RGS6: variants seen among roughly 807,000 people sequenced by gnomAD.
The protein encoded by RGS6 is regulator of G protein signaling 6.
RGS6 carries 30 observed loss-of-function variants against 78.5 expected under a neutral mutation model. The observed-to-expected ratio is 0.38, with a 90% CI of 0.29 to 0.52. The LOEUF is 0.52. Among genes scored for constraint, RGS6 ranks in the 20% least tolerant of loss-of-function variants. The probability of loss-of-function intolerance (pLI) is 0.85; values close to 1 mark genes in which losing one functional copy is unlikely to be tolerated. For synonymous variants in RGS6, 206 were observed against 206.0 expected, an observed-to-expected ratio of 1.00 and a Z score of 0.00; for missense variants, 495 against 609.7, an observed-to-expected ratio of 0.81 and a Z score of 1.98.
At chr14:72,554,917 C>T (rs948783339) in intron 17 of RGS6, among the ~76,000 whole-genome samples, 6 of 152,194 alleles carry the variant, frequency 3.9e-5, no homozygotes. Context: ...ACCATCCCTA[C>T]CCAGCTCCGG....
chr14:72,190,752 C>G (rs759402862), intron 2 of RGS6, among the ~76,000 whole-genome samples: 1 of 152,172 alleles, frequency 6.6e-6, no homozygotes, highest in African/African-American at 2.4e-5. Context: ...TGGTGTGGTC[C>G]TAGCCTTACA....
intron 2 of RGS6, among the ~76,000 whole-genome samples, chr14:72,226,169 A>G (rs1037697122): frequency 3.3e-5 from 5 of 152,230 alleles, no homozygotes; most frequent in Non-Finnish European, 5.9e-5. Context: ...AAAGTAATCA[A>G]CCTCAGTCTC....
chr14:72,540,988 C>A, intron 17 of RGS6: 1 of 1,274,622 alleles, frequency 7.8e-7, no homozygotes, highest in Non-Finnish European at 1.0e-6. Context: ...GGCCAATCTC[C>A]TCTTTCCATG....
At chr14:72,443,989 C>T (rs1297085260) in intron 3 of RGS6, among the ~76,000 whole-genome samples, 1 of 152,192 alleles carries the variant, frequency 6.6e-6, no homozygotes, top group African/African-American at 2.4e-5. Context: ...ATTTAATAAG[C>T]TGATTGTTGA....
chr14:72,347,005 G>T (rs2078180148), intron 2 of RGS6, among the ~76,000 whole-genome samples: 1 of 152,212 alleles, frequency 6.6e-6, no homozygotes, highest in African/African-American at 2.4e-5. Context: ...CCTTGAAGAA[G>T]GACATTCTCG....
At chr14:72,326,645 A>G (rs557744531) in intron 2 of RGS6, among the ~76,000 whole-genome samples, 5 of 152,276 alleles carry the variant, frequency 3.3e-5, no homozygotes, top group Non-Finnish European at 7.4e-5. Flanking sequence ...CTTCCTGTAC[A>G]GCCTGAAGAA....
chr14:72,368,229 A>G (rs557029679), intron 3 of RGS6, among the ~76,000 whole-genome samples: 8 of 152,230 alleles, frequency 5.3e-5, no homozygotes, highest in Admixed American at 4.6e-4. Flanking sequence ...GGGGGGTGCA[A>G]ACTCAGCCTT....
chr14:72,329,516 C>T (rs1208753355), intron 2 of RGS6, among the ~76,000 whole-genome samples: 10 of 152,258 alleles, frequency 6.6e-5, no homozygotes, highest in Non-Finnish European at 1.5e-4. Context: ...TGGGCACTGT[C>T]CTGAGTAGGC....
intron 2 of RGS6, among the ~76,000 whole-genome samples, chr14:72,121,494 G>T (rs1361974244): frequency 6.6e-6 from 1 of 152,128 alleles, no homozygotes; most frequent in South Asian, 2.1e-4. Flanking sequence ...CTGCACAGAC[G>T]TGCAGTTTAA....
chr14:72,539,820 C>T (rs2097297855), intron 16 of RGS6, among the ~76,000 whole-genome samples: 1 of 152,230 alleles, frequency 6.6e-6, no homozygotes. Flanking sequence ...CTGCTCCCTG[C>T]TCCAAGGAGG....
At chr14:71,966,647 A>G (rs1370299836) in intron 2 of RGS6, among the ~76,000 whole-genome samples, 2 of 152,210 alleles carry the variant, frequency 1.3e-5, no homozygotes, top group Non-Finnish European at 2.9e-5. Context: ...TAAAAAGAAA[A>G]AAAAATGTGG....
chr14:72,418,532 G>A (rs192579264), intron 3 of RGS6, among the ~76,000 whole-genome samples: 4 of 152,286 alleles, frequency 2.6e-5, no homozygotes, highest in Admixed American at 1.3e-4. Context: ...ATTAGAGTAG[G>A]ATCAGAAAGA....
chr14:72,499,677 G>T (rs1221022709), intron 13 of RGS6, among the ~76,000 whole-genome samples: 2 of 148,524 alleles, frequency 1.3e-5, no homozygotes, highest in African/African-American at 2.5e-5. Context: ...TTTGTTTGTT[G>T]TTTTTTTTTT....
chr14:72,139,495 T>G lies in RGS6; in HGVS notation c.84+174620T>G, dbSNP rs903517138. 1.3e-5 allele frequency among the ~76,000 whole-genome samples: 2 copies of G among 152,220 alleles called. 1 individual carries two copies. The highest frequency in any genetic ancestry group is 2.9e-5 in the Non-Finnish European group (2 of 68,034). ...ATATGAATCGCTATTATTTTAACTT[T>G]CATAGTAAGAACTTGCTCCATGTGG... On this transcript the variant is annotated intron_variant, in intron 2 of 17. Coordinates refer to ENST00000553525, the MANE Select transcript of RGS6 (RefSeq NM_001204424.2).
At chr14:72,151,074 C>T (rs953883856) in intron 2 of RGS6, among the ~76,000 whole-genome samples, 1 of 152,174 alleles carries the variant, frequency 6.6e-6, no homozygotes, top group Non-Finnish European at 1.5e-5. Flanking sequence ...ACCAAAGTGC[C>T]TTCATACAAC....
chr14:71,962,166 C>A (rs17104979), intron 1 of RGS6, among the ~76,000 whole-genome samples: 11,362 of 152,204 alleles, frequency 0.075, 523 homozygotes, highest in East Asian at 0.21. Flanking sequence ...CTACTGAATA[C>A]GAGGCTTACT....
intron 6 of RGS6, 85 bp downstream of exon 6, chr14:72,459,768 C>G: frequency 7.3e-7 from 1 of 1,364,110 alleles, no homozygotes; most frequent in South Asian, 1.2e-5. Context: ...TTGGTGTGGG[C>G]CATGGTGGTA....
chr14:72,601,989 A>T, the RGS6 span, among the ~76,000 whole-genome samples: 2 of 152,208 alleles, frequency 1.3e-5, no homozygotes, highest in Non-Finnish European at 2.9e-5. Flanking sequence ...CAATTTCCAC[A>T]GGTAAACTTC....
intron 3 of RGS6, among the ~76,000 whole-genome samples, chr14:72,360,887 G>C (rs1457817428): frequency 1.3e-5 from 2 of 152,076 alleles, no homozygotes; most frequent in Admixed American, 1.3e-4. Context: ...TCGTGGGGGT[G>C]GTTTCCTCCA....
Sources: gnomAD v4.1 joint callset for allele counts (sites outside exome capture counted in the v4.1 genomes callset) on GRCh38, gnomAD v4.1.1 for gene constraint, MANE v1.5 for transcripts, NCBI Gene and HGNC (gene_info 2026-07-23, HGNC 2026-07-21) for gene names.